HUWE1: variants seen among roughly 807,000 people sequenced by gnomAD.
The protein encoded by HUWE1 is HECT, UBA and WWE domain containing E3 ubiquitin protein ligase 1.
In HUWE1, 18 loss-of-function variants were observed where a neutral mutation model predicts 299.4. That is an observed-to-expected ratio of 0.06 (90% CI 0.04 to 0.09). The LOEUF (loss-of-function observed/expected upper bound fraction) is 0.09, where lower values mean the gene tolerates loss of function less well. Among genes scored for constraint, HUWE1 ranks in the 10% least tolerant of loss-of-function variants. The pLI is 1.00. For missense variants in HUWE1, 1,832 were observed against 3,462.3 expected (o/e 0.53, Z 11.82); for synonymous variants, 1,317 against 1,286.1 (o/e 1.02, Z -0.51).
chrX:53,555,838 C>T (rs914036647), intron 60 of HUWE1, among the ~76,000 whole-genome samples: 3 of 105,944 alleles, frequency 2.8e-5, no homozygotes, highest in Admixed American at 1.0e-4. Context: ...GGCGGGGTTT[C>T]GCCGTGTTGG....
At position 53,550,972 on chromosome X, in the gene HUWE1, C is replaced by T. The variant is rs2061743927; in HGVS notation, c.9314G>A (p.Arg3105Gln). 4 of 1,209,687 alleles carry T rather than the reference C, an allele frequency of 3.3e-6. No individual in the cohort carries two copies. The highest frequency in any genetic ancestry group is 2.2e-5 in the Admixed American group (1 of 45,716). ...AAACAGACGCTCATGCATGAGCTGT[C>T]GCTGCCGGGCTTCTTGCTCTCGTCT... is the stretch of plus-strand genomic sequence containing the variant. ...ALRREQEARQ[R>Q]QLMHERLFGH... is the part of the protein sequence containing the mutation. Residue 3105 changes from arginine (R) to glutamine (Q), a missense_variant, in exon 65 of 84, where the codon CGA (arginine) becomes CAA (glutamine). Physicochemically the swap from Arg to Gln is conservative, Grantham distance 43. Coordinates refer to ENST00000262854, the MANE Select transcript of HUWE1 (RefSeq NM_031407.7).
At chrX:53,533,460 A>G in intron 83 of HUWE1, 49 bp from the exon 84 acceptor site, 1 of 917,785 alleles carries the variant, frequency 1.1e-6, no homozygotes, top group East Asian at 3.2e-5. Context: ...ACAGATAACC[A>G]AATCTGTGTG....
At position 53,636,435 on chromosome X, in the gene HUWE1, C is replaced by T. The variant is rs782309963; in HGVS notation, c.505-2137G>A. The stretch of plus-strand genomic sequence containing the variant: ...GACATTCATTAAGATGTTTAACAGA[C>T]GGCCAGGTGCGGTGGCTCATGCCTG... On this transcript the variant is annotated intron_variant, in intron 7 of 83. Transcript: ENST00000262854. Among the ~76,000 whole-genome samples, 5 of 112,922 alleles carry T rather than the reference C, an allele frequency of 4.4e-5. No individual in the cohort carries two copies. In the South Asian group the frequency reaches 1.5e-3, roughly 33 times the overall value.
At chrX:53,665,651 C>T (rs185617666) in intron 3 of HUWE1, among the ~76,000 whole-genome samples, 1 of 112,251 alleles carries the variant, frequency 8.9e-6, no homozygotes, top group Admixed American at 9.4e-5. Flanking sequence ...ACATGGCTCA[C>T]CAAAGTTGCA....
At position 53,617,342 on chromosome X, in the gene HUWE1, C is replaced by T. The variant is rs2065861304; in HGVS notation, c.1777G>A (p.Asp593Asn). The T allele has an allele frequency of 8.6e-7, 1 of 1,162,048 alleles. No individual in the cohort carries two copies. Among genetic ancestry groups the T allele is most frequent in the Non-Finnish European group, 1.2e-6 (1 of 852,896 alleles). The change falls in exon 20 of 84, where the codon GAT becomes AAT. Residue 593 changes from aspartate (D) to asparagine (N), a missense_variant and splice_region_variant. This residue lies in a region of HUWE1 where 658 missense variants were observed against 1,282.6 expected (regional missense o/e 0.51). Coordinates refer to ENST00000262854, the MANE Select transcript of HUWE1 (RefSeq NM_031407.7). ...DVMLHALLIK[D>N]VPATREVLGS... ...ACAGAGTAGCAGAAAAGACTTACAT[C>T]TTTGATAAGCAGTGCATGCAGCATG...
At position 53,543,863 on chromosome X, in the gene HUWE1, C is replaced by T. The variant is rs1397073912; in HGVS notation, c.11357G>A (p.Arg3786Gln). Residue 3786 changes from arginine to glutamine, a missense_variant, in exon 73 of 84, where the codon CGG becomes CAG. By Grantham distance (43) the Arg-to-Gln change is conservative (BLOSUM62 1). Coordinates refer to ENST00000262854, the MANE Select transcript of HUWE1 (RefSeq NM_031407.7). ...AACCGTTGCTGCTTGTTGCTGTCTC[C>T]GCGCCCTTTGACCCTCACGTACCAT... ...IQMVREGQRA[R>Q]RQQQAATSES... 8 of 1,209,693 alleles carry T rather than the reference C, an allele frequency of 6.6e-6. No individual in the cohort carries two copies. Among genetic ancestry groups the T allele is most frequent in the African/African-American group, 1.7e-5 (1 of 57,277 alleles).
chrX:53,646,186 G>T (rs979201858), intron 6 of HUWE1, among the ~76,000 whole-genome samples: 1 of 110,586 alleles, frequency 9.0e-6, no homozygotes, highest in Non-Finnish European at 1.9e-5. Context: ...TGGAGACGGG[G>T]TCTCTCTGTT....
rs782732426 is a variant in HUWE1, at chrX:53,593,418, A to G, written c.3687T>C (p.Gly1229=). The change falls in exon 32 of 84, where the codon GGT becomes GGC. Residue 1229 remains glycine, a synonymous_variant. Transcript: ENST00000262854. The part of the protein sequence containing the change: ...PHSLPAKLPG[G]VQNFPQFSAL... ...CACTGAACTGGGGAAAGTTCTGGAC[A>G]CCTCCAGGCAATTTGGCAGGCAGCG... 7.4e-6 allele frequency: 9 copies of G among 1,210,936 alleles called. No individual in the cohort carries two copies. Among genetic ancestry groups the G allele is most frequent in the Non-Finnish European group, 1.0e-5 (9 of 894,918 alleles).
Position 53,549,902 on chromosome X carries a change from G to A in HUWE1, c.9489-397C>T, listed in dbSNP as rs182746362. Reference sequence around the variant, plus strand: ...CGAGTAGCTGGGATTACTAGTGCGCGCCACCACACCCGACTACTTTTTGTA... The same window carrying A: ...CGAGTAGCTGGGATTACTAGTGCGCACCACCACACCCGACTACTTTTTGTA... On this transcript the variant is annotated intron_variant, in intron 66 of 83. Coordinates refer to ENST00000262854, the MANE Select transcript of HUWE1 (RefSeq NM_031407.7). Among the ~76,000 whole-genome samples the A allele has an allele frequency of 8.5e-3, 929 of 109,778 alleles. 5 individuals carry two copies. The highest frequency in any genetic ancestry group is 0.014 in the Non-Finnish European group (747 of 52,615).
intron 27 of HUWE1, 112 bp from the exon 28 acceptor site, chrX:53,602,770 T>C: frequency 4.7e-6 from 2 of 429,375 alleles, no homozygotes; most frequent in South Asian, 1.1e-4. Flanking sequence ...ATCCCTCCTA[T>C]AGCAGGCAGG....
At chrX:53,663,803 C>T (rs1428339594) in intron 3 of HUWE1, among the ~76,000 whole-genome samples, 1 of 108,940 alleles carries the variant, frequency 9.2e-6, no homozygotes, top group East Asian at 2.9e-4. Flanking sequence ...GATATCCCAC[C>T]ATATGTGATT....
intron 78 of HUWE1, chrX:53,537,135 A>G (rs1046115549): frequency 2.8e-4 from 66 of 232,140 alleles, no homozygotes; most frequent in African/African-American, 1.4e-3. Context: ...AACAACTCCA[A>G]TAGGTCTTTC....
intron 18 of HUWE1, 70 bp from the exon 19 acceptor site, chrX:53,624,745 G>A: frequency 1.3e-6 from 1 of 756,750 alleles, no homozygotes; most frequent in African/African-American, 2.1e-5. Context: ...GGATAATTGA[G>A]TGATATGTTA....
At position 53,629,612 on chromosome X, in the gene HUWE1, A is replaced by G. The variant is rs782334084; in HGVS notation, c.867T>C (p.Tyr289=). 2 of 1,159,175 alleles carry G rather than the reference A, an allele frequency of 1.7e-6. No individual in the cohort carries two copies. The highest frequency in any genetic ancestry group is 4.3e-5 in the Admixed American group (2 of 45,978). Residue 289 remains tyrosine (Y), a synonymous_variant, in exon 13 of 84, where the codon TAT becomes TAC. Coordinates refer to ENST00000262854, the MANE Select transcript of HUWE1 (RefSeq NM_031407.7). ...TTGCTGATTCCTGCAAGGCATTGGA[A>G]TACACTGCAAAAGGAGAAACAAACA... is the stretch of plus-strand genomic sequence containing the variant. ...ARLHAISILV[Y]SNALQESANS... is the part of the protein sequence containing the mutation.
At chrX:53,646,056 A>G (rs995666670) in intron 6 of HUWE1, among the ~76,000 whole-genome samples, 1 of 110,789 alleles carries the variant, frequency 9.0e-6, no homozygotes, top group Non-Finnish European at 1.9e-5. Flanking sequence ...GGTCCTTCAT[A>G]TAGAAGCTAA....
chrX:53,645,735 AAATATATATATATATAT>A (rs2067964097), intron 6 of HUWE1, among the ~76,000 whole-genome samples: 1 of 26,160 alleles, frequency 3.8e-5, no homozygotes, highest in Non-Finnish European at 6.7e-5. Flanking sequence ...AAAAAAAAAA[AAATATATATATATATAT>A]ATATATATAT....
intron 43 of HUWE1, among the ~76,000 whole-genome samples, chrX:53,577,298 G>C (rs1302594362): frequency 1.8e-5 from 2 of 109,934 alleles, no homozygotes; most frequent in Non-Finnish European, 3.8e-5. Context: ...GAGAAAACTG[G>C]TTTTGAAATC....
intron 51 of HUWE1, 148 bp from the exon 52 acceptor site, chrX:53,563,969 A>C: frequency 3.1e-6 from 2 of 644,216 alleles, no homozygotes; most frequent in Non-Finnish European, 4.9e-6. Flanking sequence ...TTCGGTGCTA[A>C]TTAGCACAGA....
intron 7 of HUWE1, among the ~76,000 whole-genome samples, chrX:53,644,189 CA>C (rs2067812714): frequency 8.9e-6 from 1 of 112,256 alleles, no homozygotes; most frequent in Non-Finnish European, 1.9e-5. Flanking sequence ...ATCTGTACTA[CA>C]AATGTAAATG....
Sources: allele counts gnomAD v4.1 joint callset (sites outside exome capture counted in the v4.1 genomes callset), GRCh38; gene constraint gnomAD v4.1.1; regional missense constraint gnomAD v4.1.1; transcripts MANE v1.5; gene names NCBI Gene and HGNC (gene_info 2026-07-23, HGNC 2026-07-21).